PBX1: variants seen among roughly 807,000 people sequenced by gnomAD.
The protein encoded by PBX1 is PBX homeobox 1, also known as pre-B-cell leukemia transcription factor 1.
Under a neutral mutation model 53.4 loss-of-function variants are expected in PBX1, and 6 were observed. The ratio of observed to expected loss-of-function variants is 0.11; its 90% confidence interval spans 0.06 to 0.22. The LOEUF (loss-of-function observed/expected upper bound fraction) is 0.22. Among genes scored for constraint, PBX1 ranks in the 10% least tolerant of loss-of-function variants. The pLI is 1.00. For synonymous variants in PBX1, 204 were observed against 212.3 expected, an observed-to-expected ratio of 0.96 and a Z score of 0.34; for missense variants, 251 against 551.4, an observed-to-expected ratio of 0.46 and a Z score of 5.46.
chr1:164,792,476 C>G lies in PBX1; in HGVS notation c.266-18C>G. ...CTTGGGTTACTATTAACGCTCCCTT[C>G]CCTGTCTTTTTCTGTAGTTTTGAGT... On this transcript the variant is annotated intron_variant, in intron 2 of 8. Transcript: ENST00000420696. The G allele has an allele frequency of 6.2e-7, 1 of 1,612,630 alleles. No individual in the cohort carries two copies. Among genetic ancestry groups the G allele is most frequent in the Non-Finnish European group, 8.5e-7 (1 of 1,179,938 alleles).
At chr1:164,664,389 A>G (rs527389278) in intron 2 of PBX1, among the ~76,000 whole-genome samples, 1 of 152,258 alleles carries the variant, frequency 6.6e-6, no homozygotes, top group African/African-American at 2.4e-5. Context: ...AACTGTCACC[A>G]CAATTGGGAA....
intron 3 of PBX1, among the ~76,000 whole-genome samples, chr1:164,796,190 T>C (rs1224984703): frequency 6.6e-6 from 1 of 152,088 alleles, no homozygotes; most frequent in Non-Finnish European, 1.5e-5. Context: ...TTTGTATTTT[T>C]AGTAGAGATG....
intron 2 of PBX1, among the ~76,000 whole-genome samples, chr1:164,789,680 G>A (rs894478154): frequency 1.3e-5 from 2 of 152,308 alleles, no homozygotes; most frequent in South Asian, 2.1e-4. Context: ...TGAGACCAGA[G>A]GTTGTCCTAA....
intron 2 of PBX1, among the ~76,000 whole-genome samples, chr1:164,791,729 A>G (rs772384882): frequency 2.0e-5 from 3 of 152,194 alleles, no homozygotes; most frequent in Non-Finnish European, 4.4e-5. Context: ...ATTAGGTAGT[A>G]TGGGGATGAA....
At chr1:164,742,931 T>G (rs1012640035) in intron 2 of PBX1, among the ~76,000 whole-genome samples, 22 of 152,144 alleles carry the variant, frequency 1.4e-4, no homozygotes, top group African/African-American at 5.1e-4. Context: ...TAGTAATGAA[T>G]AACTTCATAA....
At chr1:164,808,232 T>G (rs1571446629) in intron 5 of PBX1, among the ~76,000 whole-genome samples, 1 of 152,186 alleles carries the variant, frequency 6.6e-6, no homozygotes, top group East Asian at 1.9e-4. Flanking sequence ...AATGCCCCCT[T>G]CCCCCAAAGA....
At chr1:164,752,591 CT>C (rs1406141145) in intron 2 of PBX1, among the ~76,000 whole-genome samples, 5 of 152,132 alleles carry the variant, frequency 3.3e-5, no homozygotes, top group African/African-American at 1.2e-4. Context: ...CCCACAGTGT[CT>C]TTTGGTGTAT....
chr1:164,793,180 T>G (rs1280620378), intron 3 of PBX1, among the ~76,000 whole-genome samples: 1 of 152,172 alleles, frequency 6.6e-6, no homozygotes, highest in Admixed American at 6.5e-5. Context: ...CTATACTTTT[T>G]CTGGGTGCTC....
chr1:164,805,076 A>T (rs1020902041), intron 4 of PBX1, among the ~76,000 whole-genome samples: 2 of 152,178 alleles, frequency 1.3e-5, no homozygotes, highest in Admixed American at 6.5e-5. Flanking sequence ...AGTCTTTTAT[A>T]AAAAACTTAC....
chr1:164,755,318 T>C (rs1035537311), intron 2 of PBX1, among the ~76,000 whole-genome samples: 1 of 152,116 alleles, frequency 6.6e-6, no homozygotes, highest in Non-Finnish European at 1.5e-5. Flanking sequence ...GCCAGCTAAT[T>C]TTGTATTTTT....
chr1:164,738,921 C>T (rs1383910777), intron 2 of PBX1, among the ~76,000 whole-genome samples: 1 of 152,186 alleles, frequency 6.6e-6, no homozygotes, highest in Non-Finnish European at 1.5e-5. Context: ...GTAACTCATC[C>T]TTACTTCTCA....
intron 2 of PBX1, among the ~76,000 whole-genome samples, chr1:164,762,885 A>G (rs1380693158): frequency 6.6e-6 from 1 of 152,200 alleles, no homozygotes; most frequent in East Asian, 1.9e-4. Flanking sequence ...TTCATTTGTC[A>G]ATCATTGACC....
intron 2 of PBX1, among the ~76,000 whole-genome samples, chr1:164,578,050 A>G (rs1654378540): frequency 6.6e-6 from 1 of 152,086 alleles, no homozygotes; most frequent in African/African-American, 2.4e-5. Context: ...CCTCCTACTC[A>G]TTTATTCTAT....
chr1:164,702,400 T>C (rs577246918), intron 2 of PBX1, among the ~76,000 whole-genome samples: 9 of 152,288 alleles, frequency 5.9e-5, no homozygotes, highest in Middle Eastern at 3.4e-3. Context: ...TTATTTGCAT[T>C]ACCTCATTCT....
At chr1:164,744,737 T>C (rs1456659960) in intron 2 of PBX1, among the ~76,000 whole-genome samples, 1 of 152,146 alleles carries the variant, frequency 6.6e-6, no homozygotes, top group Non-Finnish European at 1.5e-5. Context: ...TGGCCTCTGC[T>C]CTTAGAGAGT....
At chr1:164,561,792 T>C (rs1653067781) in intron 1 of PBX1, among the ~76,000 whole-genome samples, 1 of 152,152 alleles carries the variant, frequency 6.6e-6, no homozygotes, top group Non-Finnish European at 1.5e-5. Flanking sequence ...GTTCTTCCTC[T>C]GTAGCTGGCT....
At chr1:164,610,001 C>A (rs534670556) in intron 2 of PBX1, among the ~76,000 whole-genome samples, 8 of 152,258 alleles carry the variant, frequency 5.3e-5, no homozygotes, top group African/African-American at 1.7e-4. Flanking sequence ...CCCCCAAGAC[C>A]GGAACCTGTT....
At chr1:164,855,521 A>G (rs1463260460), downstream of PBX1, among the ~76,000 whole-genome samples, 2 of 152,088 alleles carry the variant, frequency 1.3e-5, no homozygotes, top group Non-Finnish European at 2.9e-5. Flanking sequence ...ACCATATCCC[A>G]GTGTTGGCCT....
chr1:164,657,201 T>G (rs1043896227), intron 2 of PBX1: 3 of 152,152 alleles, frequency 2.0e-5, no homozygotes, highest in African/African-American at 4.8e-5. Context: ...TTGAAGAACA[T>G]CAAAGAGGAG....
Sources: allele counts gnomAD v4.1 joint callset (sites outside exome capture counted in the v4.1 genomes callset), GRCh38; gene constraint gnomAD v4.1.1; transcripts MANE v1.5; gene names NCBI Gene and HGNC (gene_info 2026-07-23, HGNC 2026-07-21).